Variants in ITGAL observed in about 807,000 individuals in gnomAD.
ITGAL encodes the protein integrin subunit alpha L.
Under a neutral mutation model 138.4 loss-of-function variants are expected in ITGAL, and 68 were observed. That is an observed-to-expected ratio of 0.49 (90% CI 0.40 to 0.60). The LOEUF is 0.60. Among genes scored for constraint, ITGAL ranks in the 20% least tolerant of loss-of-function variants. The pLI is 0.00. For missense variants in ITGAL, 1,256 were observed against 1,478.6 expected (o/e 0.85, Z 2.47); for synonymous variants, 561 against 584.3 (o/e 0.96, Z 0.57).
chr16:30,518,102 T>C (rs1316661173), intron 28 of ITGAL, among the ~76,000 whole-genome samples: 2 of 152,156 alleles, frequency 1.3e-5, no homozygotes, highest in Non-Finnish European at 2.9e-5. Context: ...ATAGTTCCTG[T>C]GTGTTCTTTA....
At chr16:30,488,728 T>C (rs1484746160) in intron 9 of ITGAL, among the ~76,000 whole-genome samples, 1 of 108,656 alleles carries the variant, frequency 9.2e-6, no homozygotes, top group Non-Finnish European at 1.9e-5. Flanking sequence ...AAAAAAAAAA[T>C]TAGCCAGGTG....
chr16:30,504,649 A>C (rs575461016), intron 18 of ITGAL, among the ~76,000 whole-genome samples: 2 of 151,418 alleles, frequency 1.3e-5, no homozygotes, highest in African/African-American at 2.4e-5. Flanking sequence ...GCAGTGAGCT[A>C]TTGAGCTATG....
intron 22 of ITGAL, 67 bp from the exon 23 acceptor site, chr16:30,510,814 G>C (rs1368131180): frequency 3.3e-6 from 4 of 1,228,188 alleles, no homozygotes; most frequent in Admixed American, 3.4e-5. Context: ...ATGGTGATTA[G>C]ATGTGGGGGC....
intron 4 of ITGAL, among the ~76,000 whole-genome samples, chr16:30,476,717 C>T (rs1253843305): frequency 6.6e-6 from 1 of 151,380 alleles, no homozygotes; most frequent in Non-Finnish European, 1.5e-5. Flanking sequence ...ACTGCAACCT[C>T]CGCCTCCTGA....
Position 30,494,079 on chromosome 16 carries a change from CAGG to C in ITGAL, c.1214-130_1214-128del. ...GCTGGGAGCACATGGATGCTTTTCT[CAGG>C]AGAAGGTCTTCAGCTGTTTCCATGC... On this transcript the variant is annotated intron_variant, in intron 11 of 30. Coordinates refer to ENST00000356798, the MANE Select transcript of ITGAL (RefSeq NM_002209.3). This position sits in a 1 kb window ranked among gnomAD's most constrained non-coding sequence, Gnocchi z 4.2. The C allele has an allele frequency of 1.4e-6, 1 of 725,066 alleles. No individual in the cohort carries two copies. The highest frequency in any genetic ancestry group is 2.6e-5 in the East Asian group (1 of 38,300). 44.9% of individuals were successfully genotyped at this position (725,066 alleles called of 1,614,324 possible).
In ITGAL at chr16:30,494,896, A is replaced by G; in HGVS notation, c.1503+46A>G. The G allele has an allele frequency of 6.5e-7, 1 of 1,535,308 alleles. No individual in the cohort carries two copies. Among genetic ancestry groups the G allele is most frequent in the Non-Finnish European group, 8.8e-7 (1 of 1,135,268 alleles). Reference sequence around the variant, plus strand: ...TGAGAGGGAGGAGGGAGAGCAGCAGAGATTCGCAGCTCCCAGTTATTCTGA... The same window carrying G: ...TGAGAGGGAGGAGGGAGAGCAGCAGGGATTCGCAGCTCCCAGTTATTCTGA... On this transcript the variant is annotated intron_variant, in intron 13 of 30. Coordinates refer to ENST00000356798, the MANE Select transcript of ITGAL (RefSeq NM_002209.3). This position sits in a 1 kb window ranked among gnomAD's most constrained non-coding sequence, Gnocchi z 4.2.
At chr16:30,485,391 T>C (rs570189232) in intron 9 of ITGAL, among the ~76,000 whole-genome samples, 1 of 149,124 alleles carries the variant, frequency 6.7e-6, no homozygotes, top group South Asian at 2.1e-4. Context: ...CACGCCTGGC[T>C]AATTTTTGTA....
chr16:30,506,902 C>A (rs2051009359), intron 21 of ITGAL, 46 bp downstream of exon 21: 2 of 1,605,056 alleles, frequency 1.2e-6, no homozygotes, highest in South Asian at 2.2e-5. Flanking sequence ...GTTCGGCAGA[C>A]ACTGCCCCCT....
chr16:30,518,523 AC>A, intron 28 of ITGAL, 100 bp from the exon 29 acceptor site: 1 of 759,048 alleles, frequency 1.3e-6, no homozygotes, highest in Non-Finnish European at 2.4e-6. Context: ...CCCCCCTGGA[AC>A]CCCTTCTCTG....
intron 13 of ITGAL, among the ~76,000 whole-genome samples, chr16:30,495,393 A>G (rs2151157474): frequency 6.6e-6 from 1 of 152,258 alleles, no homozygotes; most frequent in South Asian, 2.1e-4. Context: ...TCCTGACCTC[A>G]GGTGATCCAC....
chr16:30,485,502 G>A (rs1217844199), intron 9 of ITGAL, among the ~76,000 whole-genome samples: 11 of 152,014 alleles, frequency 7.2e-5, no homozygotes, highest in South Asian at 6.2e-4. Flanking sequence ...GATTACAGGC[G>A]TGAGCCACTG....
At chr16:30,495,349 C>T (rs1467604762) in intron 13 of ITGAL, among the ~76,000 whole-genome samples, 2 of 151,850 alleles carry the variant, frequency 1.3e-5, no homozygotes, top group Non-Finnish European at 2.9e-5. Context: ...TAGTAGAGAC[C>T]ATGTTTCGAC....
intron 24 of ITGAL, among the ~76,000 whole-genome samples, 172 bp downstream of exon 24, chr16:30,511,308 A>T (rs1489389174): frequency 6.6e-6 from 1 of 152,124 alleles, no homozygotes; most frequent in South Asian, 2.1e-4. Context: ...AACATTCCAA[A>T]ATGTGAGGGC....
intron 9 of ITGAL, among the ~76,000 whole-genome samples, chr16:30,486,892 C>G (rs1269782798): frequency 6.6e-6 from 1 of 152,108 alleles, no homozygotes; most frequent in Non-Finnish European, 1.5e-5. Flanking sequence ...AACTCCTGGG[C>G]TCAAGCAGTC....
At chr16:30,504,571 C>T (rs1424442895) in intron 18 of ITGAL, among the ~76,000 whole-genome samples, 2 of 151,874 alleles carry the variant, frequency 1.3e-5, no homozygotes, top group African/African-American at 2.4e-5. Context: ...TGTGATGGTG[C>T]GCCCCTGTAG....
chr16:30,481,334 G>GA (rs2050556821), intron 6 of ITGAL, 105 bp from the exon 7 acceptor site: 1 of 919,910 alleles, frequency 1.1e-6, no homozygotes, highest in South Asian at 1.9e-5. Flanking sequence ...CAACAAGAGC[G>GA]AAACTCCATC....
At chr16:30,475,916 T>C (rs1199479557) in intron 4 of ITGAL, among the ~76,000 whole-genome samples, 3 of 151,900 alleles carry the variant, frequency 2.0e-5, no homozygotes, top group Admixed American at 6.6e-5. Context: ...CATGCCCAGC[T>C]AATTTTTATA....
chr16:30,500,064 AT>A lies in ITGAL; in HGVS notation c.2145+578del, dbSNP rs1282208666. Reference sequence around the variant, plus strand: ...GCTCCTGGCCTATTTTATATTATTTATTTATTTATTTATTTATTTATTTATT... The same window carrying A: ...GCTCCTGGCCTATTTTATATTATTTATTATTTATTTATTTATTTATTTATT... On this transcript the variant is annotated intron_variant, in intron 17 of 30. Coordinates refer to ENST00000356798, the MANE Select transcript of ITGAL (RefSeq NM_002209.3). Among the ~76,000 whole-genome samples, 23 of 123,256 alleles carry A rather than the reference AT, an allele frequency of 1.9e-4. No individual in the cohort carries two copies. In the South Asian group the frequency reaches 5.6e-3, roughly 30 times the overall value. 80.9% of individuals were successfully genotyped at this position (123,256 alleles called of 152,430 possible). A position where few individuals can be genotyped will look rare whatever the true frequency, so the allele number is the denominator to read the frequency against.
At chr16:30,508,914 C>T (rs529099009) in intron 21 of ITGAL, among the ~76,000 whole-genome samples, 183 of 151,126 alleles carry the variant, frequency 1.2e-3, no homozygotes, top group African/African-American at 4.3e-3. Context: ...TGGCGGTTCA[C>T]GCCTGTAATC....
Sources: gnomAD v4.1 joint callset for allele counts (sites outside exome capture counted in the v4.1 genomes callset) on GRCh38, gnomAD v4.1.1 for gene constraint, Gnocchi (gnomAD v3.1) non-coding constraint, MANE v1.5 for transcripts, NCBI Gene and HGNC (gene_info 2026-07-23, HGNC 2026-07-21) for gene names.